GAK: variants seen among roughly 807,000 people sequenced by gnomAD.
The protein encoded by GAK is cyclin-G-associated kinase.
In GAK, 79 loss-of-function variants were observed where a neutral mutation model predicts 143.9. The observed-to-expected ratio is 0.55, with a 90% CI of 0.46 to 0.66. The LOEUF is 0.66. GAK is among the 30% of genes least tolerant of loss of function. GAK has a pLI of 0.00. For synonymous variants in GAK, 881 were observed against 765.5 expected (o/e 1.15, Z -2.49); for missense variants, 1,693 against 1,779.7 (o/e 0.95, Z 0.88).
chr4:920,320 A>C (rs1288136950), intron 1 of GAK, among the ~76,000 whole-genome samples: 5 of 151,474 alleles, frequency 3.3e-5, no homozygotes, highest in South Asian at 2.1e-4. Context: ...AAAAAAAAAA[A>C]CAAAAAACCA....
intron 4 of GAK, among the ~76,000 whole-genome samples, chr4:905,893 A>G (rs1015324264): frequency 1.3e-5 from 2 of 152,242 alleles, no homozygotes; most frequent in Admixed American, 6.5e-5. Context: ...TGCCCACCTC[A>G]GCCCCGTGTG....
chr4:922,038 C>T lies in GAK; in HGVS notation c.146-8370G>A, dbSNP rs112652204. On this transcript the variant is annotated intron_variant, in intron 1 of 27. Coordinates refer to ENST00000314167, the MANE Select transcript of GAK (RefSeq NM_005255.4). ...GCTGGTGAGTACAAAGAGAAACTCG[C>T]TGTTAGGGACTCAACTGTGTGCCCC... Among the ~76,000 whole-genome samples, 48 of 152,304 alleles carry T rather than the reference C, an allele frequency of 3.2e-4. 2 individuals are homozygous for T. Among genetic ancestry groups the T allele is most frequent in the African/African-American group, 1.1e-3 (45 of 41,550 alleles).
At chr4:900,607 A>C (rs905537364) in intron 5 of GAK, among the ~76,000 whole-genome samples, 1 of 151,906 alleles carries the variant, frequency 6.6e-6, no homozygotes, top group Non-Finnish European at 1.5e-5. Context: ...AGGAAGAACC[A>C]CCCAGACAGC....
At chr4:890,383 G>T (rs1717398439) in intron 10 of GAK, 149 bp downstream of exon 10, 2 of 563,290 alleles carry the variant, frequency 3.6e-6, no homozygotes, top group African/African-American at 3.9e-5. Context: ...ACCTGAGGGT[G>T]TGCTCAGGGA....
intron 7 of GAK, 123 bp downstream of exon 7, chr4:896,337 G>A: frequency 1.4e-6 from 1 of 717,988 alleles, no homozygotes; most frequent in Non-Finnish European, 2.5e-6. Flanking sequence ...AAAGGGGACG[G>A]GAGGGGAAGA....
intron 15 of GAK, among the ~76,000 whole-genome samples, chr4:880,903 G>C (rs1446142133): frequency 1.3e-5 from 2 of 152,166 alleles, no homozygotes; most frequent in Non-Finnish European, 2.9e-5. Flanking sequence ...GCCCCCTGCT[G>C]AACAGGCCCC....
At chr4:858,572 CAG>C (rs1749699835) in intron 24 of GAK, among the ~76,000 whole-genome samples, 2 of 152,352 alleles carry the variant, frequency 1.3e-5, no homozygotes, top group South Asian at 4.1e-4. Context: ...ACCACACCGA[CAG>C]AAACGCTCAT....
chr4:892,032 C>G (rs1717774569), intron 9 of GAK, among the ~76,000 whole-genome samples: 1 of 152,174 alleles, frequency 6.6e-6, no homozygotes, highest in Non-Finnish European at 1.5e-5. Context: ...ACTGGGCTTC[C>G]CAGCACTTCC....
In GAK at chr4:898,003, T is replaced by C. The variant is rs770672713; in HGVS notation, c.651+30A>G. 6.9e-6 allele frequency: 11 copies of C among 1,594,942 alleles called. No individual in the cohort carries two copies. The African/African-American group carries it at 9.4e-5, about 14-fold the overall frequency. On this transcript the variant is annotated intron_variant, in intron 6 of 27. Transcript: ENST00000314167. The stretch of plus-strand genomic sequence containing the variant: ...GGCGTGGAATGTGGGAAGGGCCAGC[T>C]TCCCCCAGCATAGGCCCCACTCAGC...
chr4:867,473 C>T (rs768283410), intron 20 of GAK, 41 bp from the exon 21 acceptor site: 6 of 1,447,848 alleles, frequency 4.1e-6, no homozygotes, highest in East Asian at 2.4e-5. Context: ...TGAGACCACA[C>T]GGCCAGCACC....
chr4:866,355 G>A lies in GAK; in HGVS notation c.3043+9C>T, dbSNP rs368592308. The A allele has an allele frequency of 3.1e-5, 50 of 1,613,258 alleles. No homozygotes were observed. Among genetic ancestry groups the A allele is most frequent in the Non-Finnish European group, 4.1e-5 (48 of 1,179,672 alleles). ...ATGGAGAGCTGGCTGCCAGGCGAGA[G>A]GCACTTACCCAGGTGCAGGAAGTCG... is the stretch of plus-strand genomic sequence containing the variant. On this transcript the variant is annotated intron_variant, in intron 22 of 27. Coordinates refer to ENST00000314167, the MANE Select transcript of GAK (RefSeq NM_005255.4).
intron 1 of GAK, among the ~76,000 whole-genome samples, chr4:922,414 C>T (rs1724056145): frequency 6.7e-6 from 1 of 150,372 alleles, no homozygotes; most frequent in South Asian, 2.1e-4. Flanking sequence ...ACTCAGGAAA[C>T]TGAGGCAAGA....
chr4:926,400 G>A (rs1296664819), intron 1 of GAK, among the ~76,000 whole-genome samples: 2 of 152,300 alleles, frequency 1.3e-5, no homozygotes, highest in Non-Finnish European at 1.5e-5. Context: ...ACGGGGGCCA[G>A]GACAGGGGCC....
chr4:895,400 C>T (rs1718575701), intron 7 of GAK, among the ~76,000 whole-genome samples: 1 of 152,230 alleles, frequency 6.6e-6, no homozygotes, highest in Admixed American at 6.5e-5. Flanking sequence ...GGAGTGTCCT[C>T]GTGCGGGATG....
intron 5 of GAK, among the ~76,000 whole-genome samples, chr4:901,075 A>C (rs1446551206): frequency 6.6e-6 from 1 of 152,256 alleles, no homozygotes; most frequent in Non-Finnish European, 1.5e-5. Context: ...CTACGTGAAG[A>C]CACCTGTGCT....
At chr4:880,318 G>A (rs1365341293) in intron 15 of GAK, among the ~76,000 whole-genome samples, 3 of 152,142 alleles carry the variant, frequency 2.0e-5, no homozygotes, top group Admixed American at 6.5e-5. Context: ...CGGCTCTGAC[G>A]AATGCCCCAC....
intron 19 of GAK, 115 bp downstream of exon 19, chr4:870,596 C>G: frequency 3.8e-6 from 4 of 1,065,232 alleles, no homozygotes; most frequent in Non-Finnish European, 5.5e-6. Context: ...TGCTCAGGGC[C>G]TGGGTGCAGC....
At position 913,901 on chromosome 4, in the gene GAK, G is replaced by A. The variant is rs368420386; in HGVS notation, c.146-233C>T. On this transcript the variant is annotated intron_variant, in intron 1 of 27. Coordinates refer to ENST00000314167, the MANE Select transcript of GAK (RefSeq NM_005255.4). Reference sequence around the variant, plus strand: ...CCCCCCACACACACACAGCCCCAGCGTGCACGGCCCCACACACACACACAG... The same window carrying A: ...CCCCCCACACACACACAGCCCCAGCATGCACGGCCCCACACACACACACAG... 816 of 304,714 alleles carry A rather than the reference G, an allele frequency of 2.7e-3. 15 individuals are homozygous for A. In the African/African-American group the frequency reaches 0.028, roughly 10 times the overall value. The allele number at this position is 304,714 out of a possible 1,614,324, so 18.9% of individuals were successfully genotyped here.
At chr4:925,384 G>A (rs1049971050) in intron 1 of GAK, among the ~76,000 whole-genome samples, 15 of 152,302 alleles carry the variant, frequency 9.8e-5, no homozygotes, top group African/African-American at 2.4e-4. Context: ...TAGGATGCAC[G>A]GAGCACGCTG....
Sources: gnomAD v4.1 joint callset for allele counts (sites outside exome capture counted in the v4.1 genomes callset) on GRCh38, gnomAD v4.1.1 for gene constraint, MANE v1.5 for transcripts, NCBI Gene and HGNC (gene_info 2026-07-23, HGNC 2026-07-21) for gene names.